TXNRD2: variants seen among roughly 807,000 people sequenced by gnomAD.
The protein encoded by TXNRD2 is thioredoxin reductase 2, mitochondrial.
A neutral mutation model predicts 70.8 loss-of-function variants in TXNRD2; 67 were observed. That is an observed-to-expected ratio of 0.95 (90% CI 0.78 to 1.16). The LOEUF (loss-of-function observed/expected upper bound fraction) is 1.16, where lower values mean the gene tolerates loss of function less well. Among genes scored for constraint, TXNRD2 ranks in the 50% most tolerant of loss-of-function variants. TXNRD2 has a pLI of 0.00. For synonymous variants in TXNRD2, 301 were observed against 295.8 expected (o/e 1.02, Z -0.18); for missense variants, 644 against 719.9 (o/e 0.89, Z 1.21).
chr22:19,902,789 T>C (rs1939835851), intron 8 of TXNRD2, among the ~76,000 whole-genome samples: 1 of 152,180 alleles, frequency 6.6e-6, no homozygotes, highest in African/African-American at 2.4e-5. Context: ...GGTCTCCCTA[T>C]TGCTGAACAC....
At chr22:19,927,673 A>AAAAG (rs1172912753) in intron 2 of TXNRD2, among the ~76,000 whole-genome samples, 3 of 147,274 alleles carry the variant, frequency 2.0e-5, no homozygotes, top group Non-Finnish European at 3.0e-5. Flanking sequence ...AAAAAAAAAG[A>AAAAG]AAAGAAAGAA....
intron 7 of TXNRD2, among the ~76,000 whole-genome samples, chr22:19,912,125 G>T (rs1392652357): frequency 6.6e-6 from 1 of 152,188 alleles, no homozygotes; most frequent in South Asian, 2.1e-4. Context: ...AATCATACAG[G>T]TCACCTGAAG....
chr22:19,899,182 C>A, intron 8 of TXNRD2, 114 bp from the exon 9 acceptor site: 1 of 1,362,348 alleles, frequency 7.3e-7, no homozygotes, highest in Non-Finnish European at 1.0e-6. Context: ...TCGTGGGCTC[C>A]AAGGTTACTG....
At chr22:19,915,412 C>T in intron 6 of TXNRD2, 136 bp from the exon 7 acceptor site, 2 of 890,540 alleles carry the variant, frequency 2.2e-6, no homozygotes, top group East Asian at 2.6e-5. Context: ...GCCAGCAGTT[C>T]AGAGGCCCTA....
rs763086193 is a variant in TXNRD2, at chr22:19,895,438, C to T, written c.918G>A (p.Thr306=). 11 of 1,613,958 alleles carry T rather than the reference C, an allele frequency of 6.8e-6. No homozygotes were observed. The highest frequency in any genetic ancestry group is 5.0e-5 in the Admixed American group (3 of 60,026). The stretch of plus-strand genomic sequence containing the variant: ...CCCACAGGACGGTGTCAAAGGTGCC[C>T]GTGTCCTCCTTGCCGGTGGTGCTGT... ...WEDSTTGKED[T]GTFDTVLWAI... The change falls in exon 11 of 18, where the codon ACG becomes ACA. Residue 306 remains threonine, a synonymous_variant. Transcript: ENST00000400521.
intron 1 of TXNRD2, chr22:19,932,667 G>A (rs1941410969): frequency 4.5e-6 from 5 of 1,103,358 alleles, no homozygotes; most frequent in Non-Finnish European, 6.0e-6. Context: ...AGACTCTAGG[G>A]TATAAAACAA....
At chr22:19,903,119 C>T (rs1398461597) in intron 8 of TXNRD2, 1 of 488,942 alleles carries the variant, frequency 2.0e-6, no homozygotes, top group Non-Finnish European at 4.1e-6. Flanking sequence ...GGCTGCAGCC[C>T]CTCCCCCAGG....
intron 8 of TXNRD2, among the ~76,000 whole-genome samples, chr22:19,907,489 GGT>G (rs1486735762): frequency 0.11 from 1,310 of 12,002 alleles, 1 homozygote; most frequent in East Asian, 0.15. Flanking sequence ...GGAGAGTGTG[GGT>G]GCACCGTGGG....
At chr22:19,904,102 G>A (rs1030485763) in intron 8 of TXNRD2, among the ~76,000 whole-genome samples, 4 of 152,354 alleles carry the variant, frequency 2.6e-5, no homozygotes, top group African/African-American at 9.6e-5. Context: ...TCCCCACCAA[G>A]ACTGGGAGGA....
chr22:19,923,621 A>G (rs1232619905), intron 2 of TXNRD2, among the ~76,000 whole-genome samples: 2 of 152,126 alleles, frequency 1.3e-5, no homozygotes, highest in South Asian at 2.1e-4. Flanking sequence ...CACGACCAGT[A>G]GTGAAAGCTC....
At chr22:19,917,539 GGA>G (rs1940691810) in intron 5 of TXNRD2, among the ~76,000 whole-genome samples, 1 of 152,188 alleles carries the variant, frequency 6.6e-6, no homozygotes, top group Admixed American at 6.5e-5. Context: ...CACAGCCCCG[GGA>G]GAAAGGCTGG....
chr22:19,932,275 C>A, intron 1 of TXNRD2: 2 of 1,610,772 alleles, frequency 1.2e-6, no homozygotes, highest in Non-Finnish European at 8.5e-7. Flanking sequence ...AGGAGGGAAG[C>A]CACCCTGGGC....
At chr22:19,895,727 G>A (rs775047215) in intron 10 of TXNRD2, 146 bp from the exon 11 acceptor site, 87 of 893,640 alleles carry the variant, frequency 9.7e-5, no homozygotes, top group Non-Finnish European at 1.4e-4. Flanking sequence ...CCTGCTCTAC[G>A]TCCTCTTGCT....
intron 5 of TXNRD2, among the ~76,000 whole-genome samples, chr22:19,917,293 G>T (rs1173910742): frequency 6.6e-6 from 1 of 152,174 alleles, no homozygotes; most frequent in Non-Finnish European, 1.5e-5. Context: ...AGGGGATACA[G>T]AGCCCCACAG....
chr22:19,920,938 T>TA (rs200118529), intron 2 of TXNRD2, among the ~76,000 whole-genome samples: 2 of 151,632 alleles, frequency 1.3e-5, no homozygotes, highest in East Asian at 3.9e-4. Context: ...CTGTCTCTAC[T>TA]AAAAAATACA....
At chr22:19,933,366 G>C (rs1941435106) in intron 1 of TXNRD2, 2 of 1,118,980 alleles carry the variant, frequency 1.8e-6, no homozygotes, top group Admixed American at 2.3e-5. Context: ...GCATGAACCT[G>C]CTGATGGAGA....
chr22:19,886,455 C>T (rs756884221), intron 11 of TXNRD2, among the ~76,000 whole-genome samples: 2 of 152,238 alleles, frequency 1.3e-5, no homozygotes, highest in Admixed American at 1.3e-4. Context: ...GGAGGTTGGA[C>T]GACTTGTGCC....
intron 1 of TXNRD2, chr22:19,933,553 T>G (rs986793121): frequency 2.4e-6 from 3 of 1,271,054 alleles, no homozygotes; most frequent in African/African-American, 1.5e-5. Flanking sequence ...AGCAGCTGTC[T>G]GTATGGATGT....
At chr22:19,914,833 G>A (rs1701643008) in intron 7 of TXNRD2, 1 of 283,726 alleles carries the variant, frequency 3.5e-6, no homozygotes, top group Admixed American at 4.9e-5. Flanking sequence ...TTTTTAAACT[G>A]GGGGACGTGA....
Sources: allele counts gnomAD v4.1 joint callset (sites outside exome capture counted in the v4.1 genomes callset), GRCh38; gene constraint gnomAD v4.1.1; transcripts MANE v1.5; gene names NCBI Gene and HGNC (gene_info 2026-07-23, HGNC 2026-07-21).